The following CCDC181 variants were observed in gnomAD, a reference collection of about 807,000 sequenced individuals.
CCDC181 encodes the protein coiled-coil domain-containing protein 181.
In CCDC181, 35 loss-of-function variants were observed where a neutral mutation model predicts 58.7. The ratio of observed to expected loss-of-function variants is 0.60; its 90% CI spans 0.46 to 0.79. The LOEUF is 0.79. Ranked by LOEUF, CCDC181 falls within the 30% of genes least tolerant of loss-of-function variation. CCDC181 has a pLI of 0.00. For missense variants in CCDC181, 517 were observed against 583.9 expected (o/e 0.89, Z 1.18); for synonymous variants, 183 against 197.5 (o/e 0.93, Z 0.62).
At chr1:169,429,041 TATG>T (rs1219053663), upstream of CCDC181, among the ~76,000 whole-genome samples, 8 of 152,202 alleles carry the variant, frequency 5.3e-5, no homozygotes, top group African/African-American at 1.4e-4. Context: ...AGTGAGAACA[TATG>T]ATGTTTGGTT....
chr1:169,439,112 C>A (rs1240951221), intron 2 of CCDC181, among the ~76,000 whole-genome samples: 1 of 151,950 alleles, frequency 6.6e-6, no homozygotes, highest in Non-Finnish European at 1.5e-5. Context: ...AACCAAGACC[C>A]CCAAAGGAGC....
intron 3 of CCDC181, among the ~76,000 whole-genome samples, chr1:169,420,386 G>A (rs1453019477): frequency 7.0e-6 from 1 of 142,894 alleles, no homozygotes; most frequent in Non-Finnish European, 1.5e-5. Context: ...TTCTTACGAA[G>A]TCATGTTTCA....
chr1:169,400,047 T>A (rs1655251690), intron 4 of CCDC181, among the ~76,000 whole-genome samples: 1 of 152,174 alleles, frequency 6.6e-6, no homozygotes, highest in Admixed American at 6.5e-5. Context: ...GGGCTGCACA[T>A]GTGTAGAGTG....
chr1:169,429,040 A>G (rs373048414), upstream of CCDC181, among the ~76,000 whole-genome samples: 32 of 152,316 alleles, frequency 2.1e-4, no homozygotes, highest in South Asian at 6.6e-3. Context: ...AAGTGAGAAC[A>G]TATGATGTTT....
upstream of CCDC181, among the ~76,000 whole-genome samples, chr1:169,431,315 T>C (rs1261820010): frequency 6.6e-6 from 1 of 152,226 alleles, no homozygotes; most frequent in East Asian, 1.9e-4. Context: ...GTGGATGCCC[T>C]TTATTTCTTT....
upstream of CCDC181, among the ~76,000 whole-genome samples, chr1:169,428,927 G>GT (rs1656823761): frequency 6.6e-6 from 1 of 152,178 alleles, no homozygotes; most frequent in East Asian, 1.9e-4. Flanking sequence ...CCAATATGTA[G>GT]TTTTTTTATG....
chr1:169,401,805 T>G (rs1303474203), intron 4 of CCDC181, among the ~76,000 whole-genome samples: 1 of 152,294 alleles, frequency 6.6e-6, no homozygotes, highest in East Asian at 1.9e-4. Context: ...AGAATGACTT[T>G]GATGAGTTGA....
At chr1:169,431,136 C>T (rs991740429), upstream of CCDC181, among the ~76,000 whole-genome samples, 1 of 152,180 alleles carries the variant, frequency 6.6e-6, no homozygotes, top group African/African-American at 2.4e-5. Context: ...CTTAGGTTCA[C>T]TGACTCCAGA....
chr1:169,445,351 G>T (rs1340321654), intron 2 of CCDC181, among the ~76,000 whole-genome samples: 2 of 150,064 alleles, frequency 1.3e-5, no homozygotes, highest in African/African-American at 4.9e-5. Context: ...TGTCATGAAT[G>T]AGTATTGGGT....
At chr1:169,404,612 C>G (rs972396238) in intron 4 of CCDC181, among the ~76,000 whole-genome samples, 1 of 152,130 alleles carries the variant, frequency 6.6e-6, no homozygotes, top group African/African-American at 2.4e-5. Flanking sequence ...ATTCAACAGC[C>G]CTTTATCCTA....
chr1:169,434,826 G>A (rs1192101428), intron 2 of CCDC181, among the ~76,000 whole-genome samples: 2 of 151,962 alleles, frequency 1.3e-5, no homozygotes, highest in Non-Finnish European at 2.9e-5. Flanking sequence ...AGAGCAATTA[G>A]GCAAGAAAAA....
chr1:169,443,308 G>A (rs1657286515), intron 2 of CCDC181: 1 of 152,048 alleles, frequency 6.6e-6, no homozygotes, highest in African/African-American at 2.4e-5. Flanking sequence ...GCACCTTTGA[G>A]CATATGTCCA....
intron 4 of CCDC181, among the ~76,000 whole-genome samples, chr1:169,415,328 A>C (rs533113358): frequency 5.9e-5 from 9 of 152,346 alleles, no homozygotes; most frequent in African/African-American, 2.2e-4. Context: ...TAATCACTAC[A>C]GCAATATGCT....
At chr1:169,420,625 A>C (rs1456316062) in intron 3 of CCDC181, among the ~76,000 whole-genome samples, 1 of 152,092 alleles carries the variant, frequency 6.6e-6, no homozygotes, top group East Asian at 1.9e-4. Context: ...CTTCTCATGT[A>C]TTATCTGCTG....
chr1:169,412,797 G>A (rs1345283308), intron 4 of CCDC181, among the ~76,000 whole-genome samples: 1 of 152,156 alleles, frequency 6.6e-6, no homozygotes, highest in Non-Finnish European at 1.5e-5. Context: ...TTAATAAATG[G>A]TGCTGGGAAA....
chr1:169,424,315 T>C (rs1011023270), intron 2 of CCDC181, among the ~76,000 whole-genome samples: 1 of 151,892 alleles, frequency 6.6e-6, no homozygotes, highest in African/African-American at 2.4e-5. Flanking sequence ...TGACTCAGAC[T>C]TTGACCCTTT....
intron 2 of CCDC181, among the ~76,000 whole-genome samples, chr1:169,446,220 C>T (rs1031010429): frequency 1.2e-4 from 19 of 152,160 alleles, no homozygotes; most frequent in Non-Finnish European, 2.2e-4. Context: ...CCGAGGCAGG[C>T]GGACCATGAG....
At chr1:169,407,326 A>G (rs1391802373) in intron 4 of CCDC181, among the ~76,000 whole-genome samples, 1 of 152,222 alleles carries the variant, frequency 6.6e-6, no homozygotes, top group Non-Finnish European at 1.5e-5. Context: ...AAACAATTGA[A>G]CATCATCTTT....
intron 2 of CCDC181, among the ~76,000 whole-genome samples, chr1:169,442,139 T>C (rs1377385219): frequency 6.6e-6 from 1 of 152,080 alleles, no homozygotes; most frequent in Non-Finnish European, 1.5e-5. Context: ...ATTGAGAACA[T>C]GTGACCATGC....
Sources: allele counts gnomAD v4.1 joint callset (sites outside exome capture counted in the v4.1 genomes callset), GRCh38; gene constraint gnomAD v4.1.1; transcripts MANE v1.5; gene names NCBI Gene and HGNC (gene_info 2026-07-23, HGNC 2026-07-21).